The following SAMM50 variants were observed in gnomAD, a reference collection of about 807,000 sequenced individuals.
SAMM50 encodes the protein SAMM50 sorting and assembly machinery component, also known as sorting and assembly machinery component 50 homolog.
Under a neutral mutation model 66.9 loss-of-function variants are expected in SAMM50, and 47 were observed. The observed-to-expected ratio is 0.70, with a 90% CI of 0.56 to 0.90. The LOEUF is 0.90. SAMM50 is among the 40% of genes least tolerant of loss of function. The pLI is 0.00. For synonymous variants in SAMM50, 191 were observed against 214.1 expected (o/e 0.89, Z 0.94); for missense variants, 535 against 595.3 (o/e 0.90, Z 1.05).
Position 43,983,972 on chromosome 22 carries a change from C to A in SAMM50, c.1047C>A (p.Ser349Arg). 1.2e-6 allele frequency: 2 copies of A among 1,611,846 alleles called. No homozygotes were observed. Among genetic ancestry groups the A allele is most frequent in the Non-Finnish European group, 1.7e-6 (2 of 1,179,150 alleles). ...LGGPTSIRGF[S>R]MHSIGPQSEG... Reference sequence around the variant, plus strand: ...GACCCACAAGCATCCGCGGATTCAGCATGCACAGCATCGGGCCACAGAGCG... The same window carrying A: ...GACCCACAAGCATCCGCGGATTCAGAATGCACAGCATCGGGCCACAGAGCG... Residue 349 changes from serine to arginine, a missense_variant, in exon 12 of 15, where the codon AGC (serine) becomes AGA (arginine). Physicochemically the swap from Ser to Arg is moderately radical, Grantham distance 110. Coordinates refer to ENST00000350028, the MANE Select transcript of SAMM50 (RefSeq NM_015380.5). The surrounding 1 kb of genome is among the most constrained non-coding windows in gnomAD (Gnocchi z 4.2).
chr22:43,981,412 G>A lies in SAMM50; in HGVS notation c.958G>A (p.Gly320Ser). ...ACAGGTTTTTTCAGCGTCTTTCTGG[G>A]GCGGAATGTTGGTACCCATTGGTGA... ...FDSVFSASFW[G>S]GMLVPIGDKP... Residue 320 changes from glycine (G) to serine (S), a missense_variant, in exon 11 of 15, where the codon GGC becomes AGC. Transcript: ENST00000350028. 6.2e-7 allele frequency: 1 copy of A among 1,613,852 alleles called. No homozygotes were observed. Among genetic ancestry groups the A allele is most frequent in the East Asian group, 2.2e-5 (1 of 44,882 alleles).
chr22:43,957,013 T>A, intron 1 of SAMM50: 1 of 776,192 alleles, frequency 1.3e-6, no homozygotes, highest in Non-Finnish European at 2.3e-6. Flanking sequence ...GGAGCAGGAC[T>A]TCTGAAAGGA....
rs988927095 is a variant in SAMM50, at chr22:43,956,919, A to T, written c.21+1321A>T. The T allele has an allele frequency of 2.8e-5, 14 of 502,364 alleles. No homozygotes were observed. In the South Asian group the frequency reaches 4.6e-4, roughly 16 times the overall value. 31.1% of individuals were successfully genotyped at this position (502,364 alleles called of 1,614,324 possible). ...TAAAATCAATGGGGATGCAAATAGT[A>T]TCTGTGACTTTTGGTTACTAGCAAG... On this transcript the variant is annotated intron_variant, in intron 1 of 14. Transcript: ENST00000350028.
chr22:43,959,047 C>T (rs902054415), intron 1 of SAMM50, among the ~76,000 whole-genome samples: 2 of 121,684 alleles, frequency 1.6e-5, no homozygotes, highest in Non-Finnish European at 1.6e-5. Context: ...GAGATGGAGT[C>T]TTGCTCTGTC....
rs1342113006 is a variant in SAMM50 at position 43,996,350 on chromosome 22, C to T, written c.1377C>T (p.Gly459=). 1.2e-6 allele frequency: 2 copies of T among 1,614,134 alleles called. No individual in the cohort carries two copies. Among genetic ancestry groups the T allele is most frequent in the South Asian group, 2.2e-5 (2 of 91,082 alleles). ...GVQTGDRICD[G]VQFGAGIRFL is the part of the protein sequence containing the mutation. ...CCCCTTTTTTTAGGATATGTGATGG[C>T]GTCCAGTTTGGAGCTGGGATAAGGT... The change falls in exon 15 of 15, where the codon GGC becomes GGT. Residue 459 remains glycine (G), a synonymous_variant. Coordinates refer to ENST00000350028, the MANE Select transcript of SAMM50 (RefSeq NM_015380.5).
At chr22:43,974,141 C>T (rs913752111) in intron 7 of SAMM50, among the ~76,000 whole-genome samples, 6 of 152,090 alleles carry the variant, frequency 3.9e-5, no homozygotes, top group Non-Finnish European at 8.8e-5. Context: ...CACATGTGGT[C>T]TTCAGACCAG....
intron 1 of SAMM50, among the ~76,000 whole-genome samples, chr22:43,957,582 C>T (rs996410638): frequency 9.9e-5 from 15 of 151,984 alleles, no homozygotes; most frequent in African/African-American, 3.6e-4. Context: ...GCCACCACAC[C>T]CAGCCAATTT....
chr22:43,964,244 C>T (rs2050161682), intron 2 of SAMM50, among the ~76,000 whole-genome samples: 1 of 152,114 alleles, frequency 6.6e-6, no homozygotes, highest in Non-Finnish European at 1.5e-5. Flanking sequence ...CTCTTGTTCA[C>T]AGAAAGTACA....
At chr22:43,975,008 C>A (rs1286858193) in intron 7 of SAMM50, 1 of 152,268 alleles carries the variant, frequency 6.6e-6, no homozygotes, top group Non-Finnish European at 1.5e-5. Flanking sequence ...TGAAGCTGAG[C>A]TCCTAGAGGA....
rs779721641 is a variant in SAMM50, at chr22:43,996,390, C to T, written c.*7C>T. The T allele has an allele frequency of 6.2e-7, 1 of 1,613,994 alleles. No individual in the cohort carries two copies. Among genetic ancestry groups the T allele is most frequent in the East Asian group, 2.2e-5 (1 of 44,886 alleles). ...TGGGATAAGGTTCCTGTAGCCGACACCCCTACAGGAGAAGCTCTGGGACTG... is the reference window on the plus strand; with the variant it reads ...TGGGATAAGGTTCCTGTAGCCGACATCCCTACAGGAGAAGCTCTGGGACTG... On this transcript the variant is annotated 3_prime_UTR_variant, in exon 15 of 15. Transcript: ENST00000350028.
At chr22:43,975,864 T>A in intron 7 of SAMM50, 191 bp from the exon 8 acceptor site, 1 of 589,930 alleles carries the variant, frequency 1.7e-6, no homozygotes, top group Non-Finnish European at 3.0e-6. Context: ...TTTCCCCCTT[T>A]CTTCCTTTGT....
intron 4 of SAMM50, among the ~76,000 whole-genome samples, chr22:43,969,851 G>A (rs530608325): frequency 6.6e-6 from 1 of 152,300 alleles, no homozygotes; most frequent in African/African-American, 2.4e-5. Context: ...AAGCCGTCAG[G>A]AGCCCAGACC....
chr22:43,976,761 C>A lies in SAMM50; in HGVS notation c.789C>A (p.Val263=). The A allele has an allele frequency of 6.2e-7, 1 of 1,611,528 alleles. No individual in the cohort carries two copies. Among genetic ancestry groups the A allele is most frequent in the South Asian group, 1.1e-5 (1 of 90,658 alleles). Residue 263 remains valine, a synonymous_variant, in exon 9 of 15, where the codon GTC becomes GTA. Coordinates refer to ENST00000350028, the MANE Select transcript of SAMM50 (RefSeq NM_015380.5). ...CAAATTTCTTTCAGCACGCCATGGT[C>A]ATCGATTCTCGGAATTCTTCCATCT... ...SLKSSLSHAM[V]IDSRNSSILP...
At chr22:43,977,078 G>T (rs1393794853) in intron 9 of SAMM50, among the ~76,000 whole-genome samples, 1 of 152,226 alleles carries the variant, frequency 6.6e-6, no homozygotes, top group African/African-American at 2.4e-5. Context: ...CTTGATGAGG[G>T]CCTGTAATAG....
intron 2 of SAMM50, 103 bp downstream of exon 2, chr22:43,963,499 A>T (rs2050158015): frequency 1.7e-6 from 1 of 595,242 alleles, no homozygotes; most frequent in African/African-American, 1.9e-5. Flanking sequence ...CCGTGCCTTT[A>T]TCAAAGAAGA....
At chr22:43,979,871 T>C in intron 10 of SAMM50, among the ~76,000 whole-genome samples, 1 of 151,742 alleles carries the variant, frequency 6.6e-6, no homozygotes, top group Non-Finnish European at 1.5e-5. Flanking sequence ...TCACTCTGTC[T>C]GCCGCTGGCT....
chr22:43,984,714 C>T (rs1229300632), intron 12 of SAMM50, among the ~76,000 whole-genome samples: 2 of 152,002 alleles, frequency 1.3e-5, no homozygotes, highest in African/African-American at 2.4e-5. Context: ...CTGCAACCTC[C>T]GCCTCCCGGG....
chr22:43,981,262 G>A lies in SAMM50; in HGVS notation c.937-129G>A, dbSNP rs1206087265. On this transcript the variant is annotated intron_variant, in intron 10 of 14. Coordinates refer to ENST00000350028, the MANE Select transcript of SAMM50 (RefSeq NM_015380.5). Reference sequence around the variant, plus strand: ...CGGGACAAGCCAGGCATTCTCCTGCGGCCCTTGCACCCCATCGCGGAGCTC... The same window carrying A: ...CGGGACAAGCCAGGCATTCTCCTGCAGCCCTTGCACCCCATCGCGGAGCTC... The A allele has an allele frequency of 1.4e-5, 10 of 709,166 alleles. No individual in the cohort carries two copies. The East Asian group carries it at 2.2e-4, about 16-fold the overall frequency. 43.9% of individuals were successfully genotyped at this position (709,166 alleles called of 1,614,324 possible).
intron 10 of SAMM50, among the ~76,000 whole-genome samples, chr22:43,978,545 A>G (rs559081398): frequency 2.6e-5 from 4 of 151,658 alleles, no homozygotes; most frequent in African/African-American, 9.7e-5. Context: ...GCTGGAGGAC[A>G]GAGGGGTGTC....
Sources: allele counts gnomAD v4.1 joint callset (sites outside exome capture counted in the v4.1 genomes callset), GRCh38; gene constraint gnomAD v4.1.1; non-coding constraint Gnocchi (gnomAD v3.1); transcripts MANE v1.5; gene names NCBI Gene and HGNC (gene_info 2026-07-23, HGNC 2026-07-21).